ERC1: variants seen among roughly 807,000 people sequenced by gnomAD.
ERC1 encodes RAB6 interacting protein 2.
Under a neutral mutation model 132.0 loss-of-function variants are expected in ERC1, and 56 were observed. That is an observed-to-expected ratio of 0.42 (90% confidence interval 0.34 to 0.53). ERC1 has a LOEUF of 0.53. Among genes scored for constraint, ERC1 ranks in the 20% least tolerant of loss-of-function variants. The probability of loss-of-function intolerance (pLI) is 0.03; values close to 1 mark genes in which losing one functional copy is unlikely to be tolerated. For missense variants in ERC1, 1,202 were observed against 1,349.9 expected (o/e 0.89, Z 1.72); for synonymous variants, 478 against 476.1 (o/e 1.00, Z -0.05).
intron 13 of ERC1, among the ~76,000 whole-genome samples, chr12:1,247,006 A>G (rs1355059912): frequency 6.6e-6 from 1 of 152,148 alleles, no homozygotes; most frequent in Admixed American, 6.5e-5. Flanking sequence ...GTGCATACCT[A>G]TAGTCCCAGC....
At chr12:1,322,147 A>G (rs1594986316) in intron 15 of ERC1, among the ~76,000 whole-genome samples, 1 of 142,140 alleles carries the variant, frequency 7.0e-6, no homozygotes, top group South Asian at 2.2e-4. Flanking sequence ...CTTATTATAT[A>G]CTTAGGCAAA....
chr12:1,251,529 T>A (rs1323881308), intron 13 of ERC1, among the ~76,000 whole-genome samples: 4 of 152,124 alleles, frequency 2.6e-5, no homozygotes, highest in African/African-American at 9.7e-5. Flanking sequence ...TGTTTTTACA[T>A]CCCTGTGGAT....
At chr12:1,126,368 GAT>G (rs1948161086) in intron 7 of ERC1, among the ~76,000 whole-genome samples, 2 of 88,356 alleles carry the variant, frequency 2.3e-5, no homozygotes, top group Non-Finnish European at 5.8e-5. Flanking sequence ...TATGTGGAGA[GAT>G]AGTCAGTCAT....
intron 8 of ERC1, among the ~76,000 whole-genome samples, chr12:1,179,376 C>G (rs1460028795): frequency 6.6e-6 from 1 of 152,064 alleles, no homozygotes; most frequent in African/African-American, 2.4e-5. Flanking sequence ...GCTTCCATCT[C>G]TCTATAATAA....
intron 1 of ERC1, among the ~76,000 whole-genome samples, chr12:1,013,916 T>C (rs920197790): frequency 2.6e-5 from 4 of 152,060 alleles, no homozygotes; most frequent in African/African-American, 9.7e-5. Context: ...AAAAGTTTTT[T>C]GTGGAGACGA....
chr12:1,063,578 A>G (rs1201735793), intron 2 of ERC1, among the ~76,000 whole-genome samples: 2 of 151,766 alleles, frequency 1.3e-5, no homozygotes, highest in South Asian at 2.1e-4. Flanking sequence ...TTCATTTTCT[A>G]TGTGTGTTTT....
chr12:1,311,828 C>G (rs369294337), intron 15 of ERC1, among the ~76,000 whole-genome samples: 1 of 152,024 alleles, frequency 6.6e-6, no homozygotes, highest in African/African-American at 2.4e-5. Context: ...TATGGAGATA[C>G]GTGGCCAAAA....
intron 2 of ERC1, among the ~76,000 whole-genome samples, chr12:1,045,782 AG>A (rs1457866370): frequency 6.6e-6 from 1 of 152,172 alleles, no homozygotes; most frequent in Non-Finnish European, 1.5e-5. Flanking sequence ...TAAATGTAAA[AG>A]ATGGCATTAA....
chr12:1,005,254 C>T (rs114379875), intron 1 of ERC1, among the ~76,000 whole-genome samples: 9,532 of 152,044 alleles, frequency 0.063, 433 homozygotes, highest in Admixed American at 0.15. Flanking sequence ...CAGGCTCAAG[C>T]GATCCTCTTG....
intron 1 of ERC1, among the ~76,000 whole-genome samples, chr12:1,020,306 A>G (rs980189042): frequency 2.6e-5 from 4 of 152,098 alleles, no homozygotes; most frequent in Non-Finnish European, 5.9e-5. Context: ...AAAATACAGA[A>G]ATTAGCAGGG....
At chr12:1,194,849 G>C (rs888682541) in intron 12 of ERC1, among the ~76,000 whole-genome samples, 1 of 148,916 alleles carries the variant, frequency 6.7e-6, no homozygotes, top group African/African-American at 2.5e-5. Context: ...GAATAATAGA[G>C]TCTATTATTG....
intron 3 of ERC1, among the ~76,000 whole-genome samples, chr12:1,097,988 T>TA (rs1412146433): frequency 6.6e-6 from 1 of 152,216 alleles, no homozygotes; most frequent in Non-Finnish European, 1.5e-5. Flanking sequence ...GTGCTGGGAT[T>TA]ACAGGCGTGA....
At chr12:1,194,988 C>A (rs1168716494) in intron 12 of ERC1, among the ~76,000 whole-genome samples, 1 of 151,808 alleles carries the variant, frequency 6.6e-6, no homozygotes, top group African/African-American at 2.4e-5. Flanking sequence ...GAAATTCAGC[C>A]AAGTGATTAT....
chr12:1,469,505 G>C (rs1246599616), intron 18 of ERC1, among the ~76,000 whole-genome samples: 2 of 152,276 alleles, frequency 1.3e-5, no homozygotes, highest in Non-Finnish European at 2.9e-5. Context: ...GGTCCTTCCA[G>C]AGTGCTTGCT....
intron 11 of ERC1, among the ~76,000 whole-genome samples, chr12:1,189,502 C>T (rs1566190215): frequency 1.3e-5 from 2 of 152,212 alleles, no homozygotes; most frequent in South Asian, 2.1e-4. Flanking sequence ...CAGTGAGTCC[C>T]TGGTGTTGCC....
intron 5 of ERC1, 43 bp downstream of exon 5, chr12:1,110,390 A>G: frequency 6.6e-7 from 1 of 1,513,308 alleles, no homozygotes; most frequent in Non-Finnish European, 9.0e-7. Context: ...GGAGTTTGAA[A>G]AATTGATGCA....
chr12:1,433,055 G>A (rs1000773413), intron 17 of ERC1, among the ~76,000 whole-genome samples: 2 of 152,218 alleles, frequency 1.3e-5, no homozygotes, highest in Admixed American at 6.5e-5. Flanking sequence ...ATGGACTACT[G>A]TGTCTGCATC....
intron 1 of ERC1, among the ~76,000 whole-genome samples, chr12:1,020,372 G>A (rs1592734865): frequency 6.6e-6 from 1 of 152,182 alleles, no homozygotes; most frequent in South Asian, 2.1e-4. Flanking sequence ...CAGGAGAATC[G>A]CTTGAACCTG....
intron 1 of ERC1, among the ~76,000 whole-genome samples, chr12:1,018,457 CG>C (rs1410713159): frequency 2.6e-5 from 4 of 152,090 alleles, no homozygotes; most frequent in Non-Finnish European, 5.9e-5. Flanking sequence ...TCAAGTGATC[CG>C]CCTGCCTCGG....
Sources: gnomAD v4.1 joint callset for allele counts (sites outside exome capture counted in the v4.1 genomes callset) on GRCh38, gnomAD v4.1.1 for gene constraint, MANE v1.5 for transcripts, NCBI Gene and HGNC (gene_info 2026-07-23, HGNC 2026-07-21) for gene names.